IARS2: variants seen among roughly 807,000 people sequenced by gnomAD.
IARS2 encodes the protein isoleucine--tRNA ligase, mitochondrial.
In IARS2, 56 loss-of-function variants were observed where a neutral mutation model predicts 126.3. That is an observed-to-expected ratio of 0.44 (90% CI 0.36 to 0.55). IARS2 has a LOEUF of 0.55. IARS2 is among the 20% of genes least tolerant of loss of function. The pLI is 0.00. For synonymous variants in IARS2, 407 were observed against 441.1 expected, an observed-to-expected ratio of 0.92 and a Z score of 0.97; for missense variants, 1,127 against 1,245.9, an observed-to-expected ratio of 0.90 and a Z score of 1.44.
intron 10 of IARS2, among the ~76,000 whole-genome samples, chr1:220,110,555 G>T (rs531678996): frequency 6.6e-6 from 1 of 152,054 alleles, no homozygotes; most frequent in Non-Finnish European, 1.5e-5. Flanking sequence ...TAGTAGAGAC[G>T]AGGTTTCACC....
At chr1:220,099,729 A>G (rs1012647602) in intron 2 of IARS2, among the ~76,000 whole-genome samples, 1 of 152,178 alleles carries the variant, frequency 6.6e-6, no homozygotes, top group Non-Finnish European at 1.5e-5. Flanking sequence ...GAGGTTATTT[A>G]TATGATGATT....
chr1:220,135,688 C>A (rs941093471), intron 15 of IARS2, among the ~76,000 whole-genome samples: 1 of 144,446 alleles, frequency 6.9e-6, no homozygotes. Context: ...TCTTAACATG[C>A]GTTTTAAAGA....
At chr1:220,140,812 G>A (rs988035669) in intron 19 of IARS2, among the ~76,000 whole-genome samples, 2 of 151,858 alleles carry the variant, frequency 1.3e-5, no homozygotes, top group Admixed American at 6.6e-5. Flanking sequence ...GTGAAACCCC[G>A]TCTCTACTAA....
At chr1:220,104,030 C>CAGTG (rs1656632859) in intron 8 of IARS2, among the ~76,000 whole-genome samples, 1 of 152,176 alleles carries the variant, frequency 6.6e-6, no homozygotes, top group Admixed American at 6.5e-5. Context: ...TGCTGGAATG[C>CAGTG]AGTGGTCCAG....
Position 220,094,223 on chromosome 1 carries a change from T to A in IARS2, c.7T>A (p.Trp3Arg). The A allele has an allele frequency of 1.3e-6, 2 of 1,581,132 alleles. No homozygotes were observed. The highest frequency in any genetic ancestry group is 1.7e-6 in the Non-Finnish European group (2 of 1,164,838). Reference sequence around the variant, plus strand: ...TCTCAGGGGTTGCCGGACCATGCGTTGGGGGCTGCGCCCTCGCGGGCCGGG... The same window carrying A: ...TCTCAGGGGTTGCCGGACCATGCGTAGGGGGCTGCGCCCTCGCGGGCCGGG... The part of the protein sequence containing the change: MR[W>R]GLRPRGPGAA... The change falls in exon 1 of 23, where the codon TGG (tryptophan) becomes AGG (arginine). Residue 3 changes from tryptophan (W) to arginine (R), a missense_variant. Trp to Arg is a moderately radical substitution (Grantham distance 101). Transcript: ENST00000366922.
intron 15 of IARS2, among the ~76,000 whole-genome samples, 175 bp from the exon 16 acceptor site, chr1:220,136,634 C>CAAA (rs775927970): frequency 4.2e-4 from 26 of 62,594 alleles, no homozygotes; most frequent in South Asian, 6.1e-4. Flanking sequence ...GACTCCATCT[C>CAAA]AAAAAAAAAA....
At chr1:220,105,351 G>T (rs1308852513) in intron 8 of IARS2, among the ~76,000 whole-genome samples, 1 of 152,146 alleles carries the variant, frequency 6.6e-6, no homozygotes, top group African/African-American at 2.4e-5. Flanking sequence ...TGAATTTAAA[G>T]ATCTTTTGTC....
At chr1:220,129,962 TA>T (rs1657226217) in intron 14 of IARS2, among the ~76,000 whole-genome samples, 1 of 152,234 alleles carries the variant, frequency 6.6e-6, no homozygotes, top group African/African-American at 2.4e-5. Flanking sequence ...TGTACTAATT[TA>T]CATTCCCACC....
At chr1:220,106,182 G>T in intron 9 of IARS2, 122 bp downstream of exon 9, 1 of 764,920 alleles carries the variant, frequency 1.3e-6, no homozygotes, top group Non-Finnish European at 2.0e-6. Flanking sequence ...GAAATGCTCA[G>T]GTTTGTGTAG....
At chr1:220,108,856 CTTTTTTTTTTT>C (rs35836043) in intron 10 of IARS2, among the ~76,000 whole-genome samples, 6 of 68,262 alleles carry the variant, frequency 8.8e-5, no homozygotes, top group African/African-American at 2.2e-4. Flanking sequence ...TGTGAATCCT[CTTTTTTTTTTT>C]TTTTTTTTTT....
intron 15 of IARS2, 105 bp from the exon 16 acceptor site, chr1:220,136,704 C>A: frequency 4.8e-5 from 19 of 397,416 alleles, no homozygotes; most frequent in Non-Finnish European, 5.5e-5. Flanking sequence ...CAAGAAAAAT[C>A]ATATTTTTGT....
chr1:220,098,003 T>C (rs1571842683), intron 2 of IARS2, among the ~76,000 whole-genome samples: 1 of 152,078 alleles, frequency 6.6e-6, no homozygotes, highest in East Asian at 1.9e-4. Flanking sequence ...GTCTCCCGAG[T>C]AGCTGGGACC....
At chr1:220,131,951 C>G (rs991267821) in intron 14 of IARS2, among the ~76,000 whole-genome samples, 19 of 151,948 alleles carry the variant, frequency 1.3e-4, no homozygotes, top group African/African-American at 4.6e-4. Flanking sequence ...GCATCCACCA[C>G]CATGCCTGGC....
intron 12 of IARS2, among the ~76,000 whole-genome samples, chr1:220,118,647 T>C (rs527310353): frequency 2.0e-5 from 3 of 152,290 alleles, no homozygotes; most frequent in East Asian, 1.9e-4. Context: ...CAAACAGTTA[T>C]AATCACTTTC....
intron 15 of IARS2, among the ~76,000 whole-genome samples, chr1:220,135,578 T>G (rs899369164): frequency 3.3e-4 from 50 of 152,116 alleles, no homozygotes; most frequent in African/African-American, 1.1e-3. Context: ...GAGGCTGGTC[T>G]CAAACTCCTG....
At chr1:220,107,444 T>C (rs1392463713) in intron 10 of IARS2, among the ~76,000 whole-genome samples, 2 of 152,198 alleles carry the variant, frequency 1.3e-5, no homozygotes, top group African/African-American at 4.8e-5. Flanking sequence ...GGGCTGGATG[T>C]TGACTGTAAA....
At position 220,112,182 on chromosome 1, in the gene IARS2, C is replaced by T. The variant is rs576086939; in HGVS notation, c.1479+1245C>T. Among the ~76,000 whole-genome samples, 63 of 57,128 alleles carry T rather than the reference C, an allele frequency of 1.1e-3. 12 individuals carry two copies. Among genetic ancestry groups the T allele is most frequent in the Non-Finnish European group, 1.5e-3 (42 of 28,908 alleles). The allele number at this position is 57,128 out of a possible 152,430, so 37.5% of individuals were successfully genotyped here. A position where few individuals can be genotyped will look rare whatever the true frequency, so the allele number is the denominator to read the frequency against. ...TCGCTCTGTCGCCCAGGTCGGACTG[C>T]GGACTGCAGTGGCGCAATCTCGGCT... On this transcript the variant is annotated intron_variant, in intron 11 of 22. Coordinates refer to ENST00000366922, the MANE Select transcript of IARS2 (RefSeq NM_018060.4).
intron 10 of IARS2, 152 bp downstream of exon 10, chr1:220,107,303 T>A: frequency 1.7e-6 from 1 of 601,008 alleles, no homozygotes; most frequent in Non-Finnish European, 2.9e-6. Flanking sequence ...AGTTTGGGAC[T>A]TTTTCATCTT....
chr1:220,108,693 A>G (rs1007551211), intron 10 of IARS2, among the ~76,000 whole-genome samples: 5 of 151,208 alleles, frequency 3.3e-5, no homozygotes, highest in African/African-American at 9.7e-5. Context: ...CCTATTTTTT[A>G]TTTTTAATAG....
Sources: allele counts gnomAD v4.1 joint callset (sites outside exome capture counted in the v4.1 genomes callset), GRCh38; gene constraint gnomAD v4.1.1; transcripts MANE v1.5; gene names NCBI Gene and HGNC (gene_info 2026-07-23, HGNC 2026-07-21).